The following FFAR2 variants were observed in gnomAD, a reference collection of about 807,000 sequenced individuals.
FFAR2 encodes the protein free fatty acid receptor 2.
For synonymous variants in FFAR2, 193 were observed against 189.9 expected (o/e 1.02, Z -0.13); for missense variants, 421 against 428.9 (o/e 0.98, Z 0.16).
In FFAR2 at chr19:35,450,978, T is replaced by C. The variant is rs995255200; in HGVS notation, c.*271T>C. 5.1e-5 allele frequency: 18 copies of C among 352,712 alleles called. No homozygotes were observed. The highest frequency in any genetic ancestry group is 9.4e-5 in the Non-Finnish European group (18 of 191,406). 21.8% of individuals were successfully genotyped at this position (352,712 alleles called of 1,614,324 possible). On this transcript the variant is annotated 3_prime_UTR_variant, in exon 2 of 2. Transcript: ENST00000599180. ...GGCTCATGCCTATAATCCCAGAACT[T>C]TGGGAGGCTGAGGCAGGTGGATCAC...
rs771821821 is a variant in FFAR2, at chr19:35,450,487, C to T, written c.773C>T (p.Ala258Val). The T allele has an allele frequency of 1.5e-5, 24 of 1,614,124 alleles. No homozygotes were observed. ...QRKSPWWRSIAVVFSSLNASL... is the reference protein window; with the variant it reads ...QRKSPWWRSIVVVFSSLNASL... ...AAAAGCCCCTGGTGGCGGTCAATAG[C>T]CGTGGTGTTCAGTTCACTCAACGCC... is the stretch of plus-strand genomic sequence containing the variant. Residue 258 changes from alanine (A) to valine (V), a missense_variant, in exon 2 of 2, where the codon GCC (alanine) becomes GTC (valine). Transcript: ENST00000599180.
rs755157791 is a variant in FFAR2 at position 35,450,755 on chromosome 19, G to A, written c.*48G>A. On this transcript the variant is annotated 3_prime_UTR_variant, in exon 2 of 2. Coordinates refer to ENST00000599180, the MANE Select transcript of FFAR2 (RefSeq NM_001370087.1). ...GTCGCCTGGGTTACACAGGAGCTGG[G>A]AAGCCTGGGAGAGGCGGAGCAGGAA... The A allele has an allele frequency of 1.3e-6, 2 of 1,565,604 alleles. No homozygotes were observed. Among genetic ancestry groups the A allele is most frequent in the Non-Finnish European group, 1.7e-6 (2 of 1,152,342 alleles).
In FFAR2 at chr19:35,449,895, C is replaced by T. The variant is rs1193695875; in HGVS notation, c.181C>T (p.Leu61=). 6.2e-7 allele frequency: 1 copy of T among 1,613,028 alleles called. No individual in the cohort carries two copies. The highest frequency in any genetic ancestry group is 1.3e-5 in the African/African-American group (1 of 74,954). ...GCTGGCCGACCTCCTCCTGCTGCTG[C>T]TGCTGCCCTTCAAGATCATCGAGGC... ...LTLADLLLLL[L]LPFKIIEAAS... Residue 61 remains leucine, a synonymous_variant, in exon 2 of 2, where the codon CTG becomes TTG. Coordinates refer to ENST00000599180, the MANE Select transcript of FFAR2 (RefSeq NM_001370087.1).
At position 35,450,900 on chromosome 19, in the gene FFAR2, G is replaced by A. The variant is rs2067378010; in HGVS notation, c.*193G>A. On this transcript the variant is annotated 3_prime_UTR_variant, in exon 2 of 2. Transcript: ENST00000599180. ...AATTGTCCTACTCAAAGGAGCATAA[G>A]TCAGAGATGCACGAAGAAGTAGTTA... 6 of 606,106 alleles carry A rather than the reference G, an allele frequency of 9.9e-6. No individual in the cohort carries two copies. In the South Asian group the frequency reaches 1.1e-4, roughly 11 times the overall value. The allele number at this position is 606,106 out of a possible 1,614,324, so 37.5% of individuals were successfully genotyped here.
chr19:35,448,849 G>A (rs1183033714), intron 1 of FFAR2, among the ~76,000 whole-genome samples: 1 of 150,050 alleles, frequency 6.7e-6, no homozygotes, highest in Non-Finnish European at 1.5e-5. Context: ...TACCGCCCAG[G>A]GTGGAGTGCA....
In FFAR2 at chr19:35,449,678, A is replaced by T. The variant is rs1367723560; in HGVS notation, c.-1-36A>T. 2.0e-6 allele frequency: 3 copies of T among 1,522,428 alleles called. No homozygotes were observed. In the East Asian group the frequency reaches 6.8e-5, roughly 35 times the overall value. 94.3% of individuals were successfully genotyped at this position (1,522,428 alleles called of 1,614,324 possible). On this transcript the variant is annotated intron_variant, in intron 1 of 1. Transcript: ENST00000599180. ...GCTGGCTGCGCGGGCTGTGAGTGAG[A>T]CCTCCCTGACCCCGCCCTTTTTTGT...
Position 35,450,049 on chromosome 19 carries a change from C to A in FFAR2, c.335C>A (p.Ala112Asp). ...AGCATCGAGCGCTACCTGGGAGTGGCTTTCCCCGTGCAGTACAAGCTCTCC... is the reference window on the plus strand; with the variant it reads ...AGCATCGAGCGCTACCTGGGAGTGGATTTCCCCGTGCAGTACAAGCTCTCC... ...GISIERYLGVAFPVQYKLSRR... is the reference protein window; with the variant it reads ...GISIERYLGVDFPVQYKLSRR... The change falls in exon 2 of 2, where the codon GCT becomes GAT. Residue 112 changes from alanine to aspartate, a missense_variant. Ala to Asp is a moderately radical substitution (Grantham distance 126). Coordinates refer to ENST00000599180, the MANE Select transcript of FFAR2 (RefSeq NM_001370087.1). The A allele has an allele frequency of 6.2e-7, 1 of 1,614,216 alleles. No homozygotes were observed. The highest frequency in any genetic ancestry group is 1.3e-5 in the African/African-American group (1 of 75,060).
At chr19:35,449,551 G>C (rs34051923) in intron 1 of FFAR2, 163 bp from the exon 2 acceptor site, 64,366 of 212,980 alleles carry the variant, frequency 0.3, 10,718 homozygotes, top group Middle Eastern at 0.42. Context: ...TAATTGCTCT[G>C]GGTAGTTCGA....
At chr19:35,449,681 TC>T (rs767091979) in intron 1 of FFAR2, 32 bp from the exon 2 acceptor site, 1 of 1,525,660 alleles carries the variant, frequency 6.6e-7, no homozygotes. Context: ...GAGTGAGACC[TC>T]CCTGACCCCG....
rs772089452 is a variant in FFAR2 at position 35,449,876 on chromosome 19, C to T, written c.162C>T (p.Ala54=). The change falls in exon 2 of 2, where the codon GCC becomes GCT. Residue 54 remains alanine (A), a synonymous_variant. Coordinates refer to ENST00000599180, the MANE Select transcript of FFAR2 (RefSeq NM_001370087.1). ...VHILLLSLTL[A]DLLLLLLLPF... is the part of the protein sequence containing the mutation. ...TCCTCCTGCTGAGCCTGACGCTGGCCGACCTCCTCCTGCTGCTGCTGCTGC... is the reference window on the plus strand; with the variant it reads ...TCCTCCTGCTGAGCCTGACGCTGGCTGACCTCCTCCTGCTGCTGCTGCTGC... 9 of 1,613,132 alleles carry T rather than the reference C, an allele frequency of 5.6e-6. No individual in the cohort carries two copies. In the South Asian group the frequency reaches 6.6e-5, roughly 12 times the overall value.
At chr19:35,448,785 C>A (rs1358929734) in intron 1 of FFAR2, among the ~76,000 whole-genome samples, 3 of 151,114 alleles carry the variant, frequency 2.0e-5, no homozygotes, top group Non-Finnish European at 4.4e-5. Flanking sequence ...TCTAAGCCTC[C>A]CAGCTTCCCC....
In FFAR2 at chr19:35,450,771, G is replaced by T. The variant is rs77990508; in HGVS notation, c.*64G>T. 96 of 1,496,028 alleles carry T rather than the reference G, an allele frequency of 6.4e-5. No homozygotes were observed. The highest frequency in any genetic ancestry group is 8.4e-5 in the Non-Finnish European group (93 of 1,107,284). 92.7% of individuals were successfully genotyped at this position (1,496,028 alleles called of 1,614,324 possible). Reference sequence around the variant, plus strand: ...AGGAGCTGGGAAGCCTGGGAGAGGCGGAGCAGGAAGGCTCCCATCCAGATT... The same window carrying T: ...AGGAGCTGGGAAGCCTGGGAGAGGCTGAGCAGGAAGGCTCCCATCCAGATT... On this transcript the variant is annotated 3_prime_UTR_variant, in exon 2 of 2. Coordinates refer to ENST00000599180, the MANE Select transcript of FFAR2 (RefSeq NM_001370087.1).
chr19:35,450,908 T>G lies in FFAR2; in HGVS notation c.*201T>G. ...TACTCAAAGGAGCATAAGTCAGAGA[T>G]GCACGAAGAAGTAGTTAGGTATAGA... On this transcript the variant is annotated 3_prime_UTR_variant, in exon 2 of 2. Transcript: ENST00000599180. 1.7e-6 allele frequency: 1 copy of G among 590,886 alleles called. No homozygotes were observed. Among genetic ancestry groups the G allele is most frequent in the Non-Finnish European group, 2.9e-6 (1 of 339,876 alleles). The allele number at this position is 590,886 out of a possible 1,614,324, so 36.6% of individuals were successfully genotyped here.
At position 35,450,616 on chromosome 19, in the gene FFAR2, G is replaced by A. The variant is rs147802928; in HGVS notation, c.902G>A (p.Arg301His). The change falls in exon 2 of 2, where the codon CGC becomes CAC. Residue 301 changes from arginine to histidine, a missense_variant. Physicochemically the swap from Arg to His is conservative, Grantham distance 29. Transcript: ENST00000599180. ...LRNQGSSLLGRRGKDTAEGTN... is the reference protein window; with the variant it reads ...LRNQGSSLLGHRGKDTAEGTN... The stretch of plus-strand genomic sequence containing the variant: ...AATCAGGGCTCCTCCCTGTTGGGAC[G>A]CAGAGGCAAAGACACAGCAGAGGGG... The A allele has an allele frequency of 1.1e-3, 1,807 of 1,614,180 alleles. 5 individuals are homozygous for A. The highest frequency in any genetic ancestry group is 4.8e-3 in the African/African-American group (362 of 75,040).
Position 35,449,993 on chromosome 19 carries a change from C to G in FFAR2, c.279C>G (p.Ile93Met). ...CGAGTTTTGGCTTCTACAGCAGCAT[C>G]TACTGCAGCACGTGGCTCCTGGCGG... Reference protein sequence around the residue: ...ALTSFGFYSSIYCSTWLLAGI... With the variant: ...ALTSFGFYSSMYCSTWLLAGI... Residue 93 changes from isoleucine (I) to methionine (M), a missense_variant, in exon 2 of 2, where the codon ATC becomes ATG. Coordinates refer to ENST00000599180, the MANE Select transcript of FFAR2 (RefSeq NM_001370087.1). The G allele has an allele frequency of 6.2e-7, 1 of 1,614,208 alleles. No individual in the cohort carries two copies. The highest frequency in any genetic ancestry group is 8.5e-7 in the Non-Finnish European group (1 of 1,180,042).
In FFAR2 at chr19:35,451,057, A is replaced by G. The variant is rs370139892; in HGVS notation, c.*350A>G. ...GTCAACATGGGAAAACCCCGTCTCT[A>G]CTAAAAATACAAAAAAATTAGCTGG... On this transcript the variant is annotated 3_prime_UTR_variant, in exon 2 of 2. Coordinates refer to ENST00000599180, the MANE Select transcript of FFAR2 (RefSeq NM_001370087.1). 1.4e-3 allele frequency: 283 copies of G among 204,718 alleles called. 4 individuals are homozygous for G. Among genetic ancestry groups the G allele is most frequent in the African/African-American group, 6.3e-3 (271 of 42,848 alleles). The allele number at this position is 204,718 out of a possible 1,614,324, so 12.7% of individuals were successfully genotyped here.
At position 35,450,101 on chromosome 19, in the gene FFAR2, A is replaced by G; in HGVS notation, c.387A>G (p.Ala129=). 6.2e-7 allele frequency: 1 copy of G among 1,614,192 alleles called. No individual in the cohort carries two copies. The highest frequency in any genetic ancestry group is 8.5e-7 in the Non-Finnish European group (1 of 1,180,028). The change falls in exon 2 of 2, where the codon GCA becomes GCG. Residue 129 remains alanine, a synonymous_variant. Transcript: ENST00000599180. ...GCCGGCCTCTGTATGGAGTGATTGC[A>G]GCTCTGGTGGCCTGGGTTATGTCCT... ...LSRRPLYGVI[A]ALVAWVMSFG...
At chr19:35,449,036 T>A (rs1321705771) in intron 1 of FFAR2, among the ~76,000 whole-genome samples, 1 of 151,844 alleles carries the variant, frequency 6.6e-6, no homozygotes, top group Non-Finnish European at 1.5e-5. Context: ...ACTCCTGACT[T>A]CAGGTGATCT....
At position 35,449,055 on chromosome 19, in the gene FFAR2, C is replaced by T. The variant is rs189235544; in HGVS notation, c.-1-659C>T. Among the ~76,000 whole-genome samples, 245 of 151,896 alleles carry T rather than the reference C, an allele frequency of 1.6e-3. 2 individuals carry two copies. The highest frequency in any genetic ancestry group is 4.1e-3 in the African/African-American group (170 of 41,398). ...CTGACTTCAGGTGATCTGCCCGCCT[C>T]GGCCTCCCAAAGTGCTGGGATTACA... On this transcript the variant is annotated intron_variant, in intron 1 of 1. Transcript: ENST00000599180.
Sources: gnomAD v4.1 joint callset for allele counts (sites outside exome capture counted in the v4.1 genomes callset) on GRCh38, gnomAD v4.1.1 for gene constraint, MANE v1.5 for transcripts, NCBI Gene and HGNC (gene_info 2026-07-23, HGNC 2026-07-21) for gene names.